Variants in CDH1 observed in about 807,000 individuals in gnomAD.
The protein encoded by CDH1 is cadherin-1.
Under a neutral mutation model 84.5 loss-of-function variants are expected in CDH1, and 35 were observed. The observed-to-expected ratio is 0.41, with a 90% confidence interval of 0.32 to 0.55. The LOEUF (loss-of-function observed/expected upper bound fraction) is 0.55, where lower values mean the gene tolerates loss of function less well. CDH1 is among the 20% of genes least tolerant of loss of function. CDH1 has a pLI of 0.19. For missense variants in CDH1, 994 were observed against 1,126.6 expected, an observed-to-expected ratio of 0.88 and a Z score of 1.68; for synonymous variants, 417 against 439.0, an observed-to-expected ratio of 0.95 and a Z score of 0.63.
chr16:68,820,505 C>A (rs904582121), intron 11 of CDH1, among the ~76,000 whole-genome samples: 1 of 151,908 alleles, frequency 6.6e-6, no homozygotes, highest in Non-Finnish European at 1.5e-5. Flanking sequence ...TGTGCACCAC[C>A]ACGCCCAGCT....
intron 3 of CDH1, among the ~76,000 whole-genome samples, chr16:68,804,330 G>T (rs1029408518): frequency 2.6e-5 from 4 of 151,802 alleles, no homozygotes; most frequent in African/African-American, 9.7e-5. Context: ...AGCCAGGATG[G>T]TCTCGATCTC....
rs565548928 is a variant in CDH1, at chr16:68,834,268, C to G, written c.*769C>G. ...TGCACCTGCCCAGCTCCCCAACTCC[C>G]TGCCATTTTTTAAGAGACAGTTTCG... On this transcript the variant is annotated 3_prime_UTR_variant, in exon 16 of 16. Transcript: ENST00000261769. 2.0e-6 allele frequency: 1 copy of G among 511,768 alleles called. No homozygotes were observed. Among genetic ancestry groups the G allele is most frequent in the Admixed American group, 2.3e-5 (1 of 44,128 alleles). 31.7% of individuals were successfully genotyped at this position (511,768 alleles called of 1,614,324 possible). A position where few individuals can be genotyped will look rare whatever the true frequency, so the allele number is the denominator to read the frequency against.
chr16:68,812,393 T>A, intron 8 of CDH1, 130 bp downstream of exon 8: 1 of 1,061,384 alleles, frequency 9.4e-7, no homozygotes, highest in Non-Finnish European at 1.4e-6. Flanking sequence ...ACTTTAAACT[T>A]AAAAGCAAGC....
chr16:68,752,076 C>T (rs1477087567), intron 2 of CDH1, among the ~76,000 whole-genome samples: 2 of 151,024 alleles, frequency 1.3e-5, no homozygotes, highest in Non-Finnish European at 3.0e-5. Context: ...CTCAGCCTCC[C>T]AAGTAGCTGG....
intron 2 of CDH1, among the ~76,000 whole-genome samples, chr16:68,746,944 A>T (rs577677852): frequency 6.6e-6 from 1 of 152,084 alleles, no homozygotes; most frequent in Admixed American, 6.6e-5. Context: ...GCGATACTCC[A>T]TCTCAACAAA....
intron 2 of CDH1, among the ~76,000 whole-genome samples, chr16:68,757,649 G>T (rs1963046997): frequency 6.6e-6 from 1 of 152,162 alleles, no homozygotes; most frequent in Non-Finnish European, 1.5e-5. Context: ...AACTGGGAGG[G>T]TGGAATGCAG....
rs1450882558 is a variant in CDH1, at chr16:68,762,010, T to C, written c.163+23599T>C. On this transcript the variant is annotated intron_variant, in intron 2 of 15. Coordinates refer to ENST00000261769, the MANE Select transcript of CDH1 (RefSeq NM_004360.5). ...TGCCTCCCCTCTCCATTCTGGGCAG[T>C]GGAGCCTGATGGTTAGTAGCATGGG... Among the ~76,000 whole-genome samples, 3 of 152,192 alleles carry C rather than the reference T, an allele frequency of 2.0e-5. No homozygotes were observed. The East Asian group carries it at 5.8e-4, about 29-fold the overall frequency.
rs786203727 is a variant in CDH1, at chr16:68,801,691, G to T, written c.185G>T (p.Gly62Val). The change falls in exon 3 of 16, where the codon GGT (glycine) becomes GTT (valine). Residue 62 changes from glycine (G) to valine (V), a missense_variant. Gly to Val is a moderately radical substitution (Grantham distance 109). Transcript: ENST00000261769. ...GCAGTGAATTTTGAAGATTGCACCG[G>T]TCGACAAAGGACAGCCTATTTTTCC... Reference protein sequence around the residue: ...LGRVNFEDCTGRQRTAYFSLD... With the variant: ...LGRVNFEDCTVRQRTAYFSLD... 1.7e-5 allele frequency: 27 copies of T among 1,613,872 alleles called. No individual in the cohort carries two copies. In the East Asian group the frequency reaches 5.8e-4, roughly 35 times the overall value.
At chr16:68,761,596 T>G (rs1413311187) in intron 2 of CDH1, among the ~76,000 whole-genome samples, 1 of 152,004 alleles carries the variant, frequency 6.6e-6, no homozygotes, top group Non-Finnish European at 1.5e-5. Context: ...TGCAAAATAT[T>G]TAGAGCACTG....
intron 15 of CDH1, among the ~76,000 whole-genome samples, chr16:68,831,289 C>A (rs1961478837): frequency 6.7e-6 from 1 of 149,290 alleles, no homozygotes. Flanking sequence ...CAGGGTTTCA[C>A]CATGTTAACC....
Position 68,743,347 on chromosome 16 carries a change from C to CT in CDH1, c.163+4939dup, listed in dbSNP as rs1476582662. Among the ~76,000 whole-genome samples, 133 of 16,736 alleles carry CT rather than the reference C, an allele frequency of 7.9e-3. 11 individuals are homozygous for CT. The highest frequency in any genetic ancestry group is 0.031 in the Middle Eastern group (1 of 32). The allele number at this position is 16,736 out of a possible 152,430, so 11.0% of individuals were successfully genotyped here. ...TCTTTCTTTCTTTCTTTCTTTCTTT[C>CT]TTTCTTTCTTTCTTTCTTTTCTTTT... is the stretch of plus-strand genomic sequence containing the variant. On this transcript the variant is annotated intron_variant, in intron 2 of 15. Transcript: ENST00000261769.
In CDH1 at chr16:68,752,021, G is replaced by T. The variant is rs190525009; in HGVS notation, c.163+13610G>T. Reference sequence around the variant, plus strand: ...GGCTGGAGTGCAGTGGCTTGATCTCGGCTCACTGCAACCTCCGCCTCCCGG... The same window carrying T: ...GGCTGGAGTGCAGTGGCTTGATCTCTGCTCACTGCAACCTCCGCCTCCCGG... On this transcript the variant is annotated intron_variant, in intron 2 of 15. Transcript: ENST00000261769. 2.0e-5 allele frequency among the ~76,000 whole-genome samples: 3 copies of T among 149,016 alleles called. No homozygotes were observed. The East Asian group carries it at 6.0e-4, about 30-fold the overall frequency.
chr16:68,804,636 G>GTT (rs1960603444), intron 3 of CDH1, among the ~76,000 whole-genome samples: 1 of 152,028 alleles, frequency 6.6e-6, no homozygotes, highest in Non-Finnish European at 1.5e-5. Flanking sequence ...ACAAAGAGTG[G>GTT]ATATTGGGTG....
intron 2 of CDH1, among the ~76,000 whole-genome samples, chr16:68,760,823 C>T (rs889947412): frequency 2.6e-5 from 4 of 151,982 alleles, no homozygotes; most frequent in African/African-American, 9.7e-5. Flanking sequence ...GTGGAGCTTC[C>T]CCAGAGTGGG....
intron 2 of CDH1, among the ~76,000 whole-genome samples, chr16:68,775,337 T>C (rs2152121297): frequency 6.6e-6 from 1 of 152,280 alleles, no homozygotes; most frequent in African/African-American, 2.4e-5. Context: ...AAACGTATAA[T>C]GTCATCTAAC....
At chr16:68,796,936 A>C (rs1446415500) in intron 2 of CDH1, among the ~76,000 whole-genome samples, 1 of 151,936 alleles carries the variant, frequency 6.6e-6, no homozygotes, top group Non-Finnish European at 1.5e-5. Flanking sequence ...CCAGGAGTTC[A>C]AGACCAGCCT....
At chr16:68,808,355 T>TG (rs1405780224) in intron 3 of CDH1, 69 bp from the exon 4 acceptor site, 27 of 1,548,002 alleles carry the variant, frequency 1.7e-5, no homozygotes, top group Non-Finnish European at 2.3e-5. Flanking sequence ...TCTGGCTAGG[T>TG]TGGACTGTTA....
intron 15 of CDH1, 118 bp downstream of exon 15, chr16:68,829,915 T>A: frequency 1.9e-6 from 2 of 1,068,158 alleles, no homozygotes; most frequent in Non-Finnish European, 2.8e-6. Flanking sequence ...TCAGCTTGCC[T>A]GAGCCCTGGA....
chr16:68,821,469 CAAA>C (rs58762668), intron 11 of CDH1, among the ~76,000 whole-genome samples: 5 of 93,036 alleles, frequency 5.4e-5, no homozygotes, highest in African/African-American at 7.2e-5. Flanking sequence ...GACTCTGCCT[CAAA>C]AAAAAAAAAA....
Sources: gnomAD v4.1 joint callset for allele counts (sites outside exome capture counted in the v4.1 genomes callset) on GRCh38, gnomAD v4.1.1 for gene constraint, MANE v1.5 for transcripts, NCBI Gene and HGNC (gene_info 2026-07-23, HGNC 2026-07-21) for gene names.